Variants in CCDC88C observed in about 807,000 individuals in gnomAD.
CCDC88C encodes the protein coiled-coil and HOOK domain protein 88C, also known as protein Daple.
A neutral mutation model predicts 198.8 loss-of-function variants in CCDC88C; 131 were observed. The observed-to-expected ratio is 0.66, with a 90% CI of 0.57 to 0.76. The LOEUF (loss-of-function observed/expected upper bound fraction) is 0.76, where lower values mean the gene tolerates loss of function less well. Ranked by LOEUF, CCDC88C falls within the 30% of genes least tolerant of loss-of-function variation. The pLI, the probability that CCDC88C is intolerant of heterozygous loss-of-function variation, is 0.00. For synonymous variants in CCDC88C, 1,166 were observed against 1,114.7 expected (o/e 1.05, Z -0.92); for missense variants, 2,553 against 2,631.6 (o/e 0.97, Z 0.65).
At position 91,408,696 on chromosome 14, in the gene CCDC88C, A is replaced by G; in HGVS notation, c.233T>C (p.Leu78Ser). ...NNDVNLRIQN[L>S]TILVRNIKTY... ...CTTAATGTTTCTCACCAAGATGGTC[A>G]AATTCTGAATGCGAAGGTTCACATC... The change falls in exon 3 of 30, where the codon TTG becomes TCG. Residue 78 changes from leucine (L) to serine (S), a missense_variant. Coordinates refer to ENST00000389857, the MANE Select transcript of CCDC88C (RefSeq NM_001080414.4). The G allele has an allele frequency of 6.2e-7, 1 of 1,613,764 alleles. No individual in the cohort carries two copies. The highest frequency in any genetic ancestry group is 8.5e-7 in the Non-Finnish European group (1 of 1,179,654).
rs143726690 is a variant in CCDC88C, at chr14:91,271,800, G to A, written c.*825C>T. ...ATCGAGCTTGCACCTCGCTCTGTGC[G>A]GATGACCCCTCGGTGCACTGTGCAC... On this transcript the variant is annotated 3_prime_UTR_variant, in exon 30 of 30. Coordinates refer to ENST00000389857, the MANE Select transcript of CCDC88C (RefSeq NM_001080414.4). 1 of 152,752 alleles carries A rather than the reference G, an allele frequency of 6.5e-6. No homozygotes were observed. The highest frequency in any genetic ancestry group is 1.5e-5 in the Non-Finnish European group (1 of 68,052). 9.5% of individuals were successfully genotyped at this position (152,752 alleles called of 1,614,324 possible).
At chr14:91,383,215 C>A (rs938111588) in intron 3 of CCDC88C, among the ~76,000 whole-genome samples, 4 of 150,678 alleles carry the variant, frequency 2.7e-5, no homozygotes, top group Admixed American at 2.6e-4. Context: ...GTCACCCCCT[C>A]GAACCCTGGC....
At chr14:91,281,665 G>A (rs1354696453) in intron 26 of CCDC88C, 140 bp from the exon 27 acceptor site, 3 of 707,250 alleles carry the variant, frequency 4.2e-6, no homozygotes, top group Non-Finnish European at 7.6e-6. Context: ...TGCTGCCTTT[G>A]GGACCTGCCT....
Position 91,338,696 on chromosome 14 carries a change from G to A in CCDC88C, c.810-126C>T. Reference sequence around the variant, plus strand: ...GACTCGGGATTTGGGCGGTGGGGAGGCGATCTGCTTATGGGGCCTGCAAAA... The same window carrying A: ...GACTCGGGATTTGGGCGGTGGGGAGACGATCTGCTTATGGGGCCTGCAAAA... On this transcript the variant is annotated intron_variant, in intron 8 of 29. Coordinates refer to ENST00000389857, the MANE Select transcript of CCDC88C (RefSeq NM_001080414.4). This position sits in a 1 kb window ranked among gnomAD's most constrained non-coding sequence, Gnocchi z 4.8. 1 of 699,316 alleles carries A rather than the reference G, an allele frequency of 1.4e-6. No individual in the cohort carries two copies. The highest frequency in any genetic ancestry group is 2.5e-6 in the Non-Finnish European group (1 of 397,136). The allele number at this position is 699,316 out of a possible 1,614,324, so 43.3% of individuals were successfully genotyped here. A position where few individuals can be genotyped will look rare whatever the true frequency, so the allele number is the denominator to read the frequency against.
chr14:91,275,174 G>A (rs1482231960), intron 29 of CCDC88C, among the ~76,000 whole-genome samples: 1 of 152,162 alleles, frequency 6.6e-6, no homozygotes, highest in Non-Finnish European at 1.5e-5. Context: ...AGAGGGGGCT[G>A]GCTCGCTGCA....
intron 3 of CCDC88C, among the ~76,000 whole-genome samples, chr14:91,367,649 A>G (rs1285813): frequency 0.13 from 19,361 of 152,090 alleles, 2,139 homozygotes; most frequent in African/African-American, 0.3. Context: ...AACTGCCCAG[A>G]CAAGTCTGGG....
At chr14:91,376,022 G>T (rs1165019327) in intron 3 of CCDC88C, among the ~76,000 whole-genome samples, 1 of 152,216 alleles carries the variant, frequency 6.6e-6, no homozygotes. Context: ...CAGGAGAAGA[G>T]GCTTGAACCC....
intron 3 of CCDC88C, among the ~76,000 whole-genome samples, chr14:91,368,941 C>G (rs575230649): frequency 2.0e-5 from 3 of 152,336 alleles, no homozygotes; most frequent in South Asian, 2.1e-4. Flanking sequence ...AAACACCAGA[C>G]AGTGAAGAGG....
chr14:91,271,689 A>C lies in CCDC88C; in HGVS notation c.*936T>G, dbSNP rs1440490035. 6.6e-6 allele frequency: 1 copy of C among 152,244 alleles called. No individual in the cohort carries two copies. The highest frequency in any genetic ancestry group is 1.5e-5 in the Non-Finnish European group (1 of 68,046). The allele number at this position is 152,244 out of a possible 1,614,324, so 9.4% of individuals were successfully genotyped here. ...ACATATACATGTCATATATTAAAAAAAATTGGTTTCTATACCCAAAAAGTT... is the reference window on the plus strand; with the variant it reads ...ACATATACATGTCATATATTAAAAACAATTGGTTTCTATACCCAAAAAGTT... On this transcript the variant is annotated 3_prime_UTR_variant, in exon 30 of 30. Transcript: ENST00000389857.
intron 22 of CCDC88C, among the ~76,000 whole-genome samples, chr14:91,295,417 G>A (rs530863511): frequency 1.3e-5 from 2 of 152,326 alleles, no homozygotes; most frequent in African/African-American, 2.4e-5. Flanking sequence ...AGTCAGGCAC[G>A]TCACAAACGT....
At chr14:91,344,366 A>G (rs1266175404) in intron 4 of CCDC88C, among the ~76,000 whole-genome samples, 2 of 152,282 alleles carry the variant, frequency 1.3e-5, no homozygotes, top group South Asian at 4.2e-4. Context: ...CAGACACGGG[A>G]GGACAGTATA....
chr14:91,329,793 A>T (rs1892737712), intron 10 of CCDC88C, among the ~76,000 whole-genome samples: 1 of 152,340 alleles, frequency 6.6e-6, no homozygotes, highest in Non-Finnish European at 1.5e-5. Context: ...GCCTGACATC[A>T]TTCCCAGCAG....
At chr14:91,281,254 G>A (rs780722560) in intron 27 of CCDC88C, 1 of 1,323,460 alleles carries the variant, frequency 7.6e-7, no homozygotes, top group South Asian at 1.3e-5. Context: ...TGCTTGGGAG[G>A]TAGCGAATTC....
intron 13 of CCDC88C, among the ~76,000 whole-genome samples, chr14:91,319,764 G>A (rs1892267095): frequency 1.3e-5 from 2 of 152,186 alleles, no homozygotes; most frequent in South Asian, 4.1e-4. Context: ...GGTGGCTCAT[G>A]CTGGTAATCC....
chr14:91,364,027 G>T (rs1047337070), intron 3 of CCDC88C, among the ~76,000 whole-genome samples: 1 of 152,272 alleles, frequency 6.6e-6, no homozygotes, highest in Non-Finnish European at 1.5e-5. Flanking sequence ...CAAGCCCAGT[G>T]GTGCTCTGGA....
At chr14:91,275,152 T>C (rs1425130348) in intron 29 of CCDC88C, among the ~76,000 whole-genome samples, 1 of 152,088 alleles carries the variant, frequency 6.6e-6, no homozygotes, top group Admixed American at 6.5e-5. Flanking sequence ...GGGTTAAATA[T>C]ACCAGGCAGA....
At chr14:91,298,459 AG>A (rs1265547841) in intron 21 of CCDC88C, among the ~76,000 whole-genome samples, 1 of 151,630 alleles carries the variant, frequency 6.6e-6, no homozygotes, top group Non-Finnish European at 1.5e-5. Context: ...ACTTAGGCCC[AG>A]GGAGTTAAGG....
intron 3 of CCDC88C, 196 bp downstream of exon 3, chr14:91,408,463 C>A: frequency 1.7e-6 from 1 of 573,698 alleles, no homozygotes; most frequent in Non-Finnish European, 3.2e-6. Context: ...GAACATTCAC[C>A]AAACAAAGGA....
At chr14:91,301,037 T>C (rs1326617704) in intron 20 of CCDC88C, among the ~76,000 whole-genome samples, 1 of 152,156 alleles carries the variant, frequency 6.6e-6, no homozygotes, top group Admixed American at 6.5e-5. Context: ...CTGCACCTTG[T>C]TGGAAAAGCA....
Sources: allele counts gnomAD v4.1 joint callset (sites outside exome capture counted in the v4.1 genomes callset), GRCh38; gene constraint gnomAD v4.1.1; non-coding constraint Gnocchi (gnomAD v3.1); transcripts MANE v1.5; gene names NCBI Gene and HGNC (gene_info 2026-07-23, HGNC 2026-07-21).